The following KLF7 variants were observed in gnomAD, a reference collection of about 807,000 sequenced individuals.
The protein encoded by KLF7 is Krueppel-like factor 7.
KLF7 carries 2 observed loss-of-function variants against 27.3 expected under a neutral mutation model. That is an observed-to-expected ratio of 0.07 (90% CI 0.03 to 0.23). The LOEUF (loss-of-function observed/expected upper bound fraction) is 0.23, where lower values mean the gene tolerates loss of function less well. KLF7 is among the 10% of genes least tolerant of loss of function. The pLI, the probability that KLF7 is intolerant of heterozygous loss-of-function variation, is 1.00. For synonymous variants in KLF7, 165 were observed against 162.4 expected (o/e 1.02, Z -0.12); for missense variants, 221 against 394.1 (o/e 0.56, Z 3.72).
Position 207,078,154 on chromosome 2 carries a change from T to C in KLF7, c.*3059A>G, listed in dbSNP as rs1281603212. On this transcript the variant is annotated 3_prime_UTR_variant, in exon 4 of 4. Coordinates refer to ENST00000309446, the MANE Select transcript of KLF7 (RefSeq NM_003709.4). ...CCAAAATGATCAGGACTGGTCATCA[T>C]TCACAGGTGTCAACTCGGCTAAAGA... The C allele has an allele frequency of 6.6e-6, 1 of 152,216 alleles. No individual in the cohort carries two copies. The highest frequency in any genetic ancestry group is 1.5e-5 in the Non-Finnish European group (1 of 68,046). The allele number at this position is 152,216 out of a possible 1,614,324, so 9.4% of individuals were successfully genotyped here.
intron 2 of KLF7, among the ~76,000 whole-genome samples, chr2:207,116,609 T>C (rs1253655125): frequency 6.6e-6 from 1 of 152,066 alleles, no homozygotes; most frequent in Non-Finnish European, 1.5e-5. Context: ...ACCATGATCA[T>C]GACGGTAATT....
At chr2:207,128,129 T>C (rs986648704) in intron 1 of KLF7, among the ~76,000 whole-genome samples, 7 of 151,864 alleles carry the variant, frequency 4.6e-5, no homozygotes, top group East Asian at 1.9e-4. Context: ...GCTGGAACAA[T>C]GAAAATAAAA....
chr2:207,111,665 A>G (rs1470864000), intron 2 of KLF7, among the ~76,000 whole-genome samples: 1 of 152,160 alleles, frequency 6.6e-6, no homozygotes, highest in African/African-American at 2.4e-5. Context: ...TCCTTTCTTC[A>G]TTCCCCAAAG....
chr2:207,090,021 C>G (rs2076475771), intron 2 of KLF7, among the ~76,000 whole-genome samples: 2 of 152,160 alleles, frequency 1.3e-5, no homozygotes, highest in South Asian at 4.1e-4. Flanking sequence ...AACCTGACTA[C>G]AAAGCATTCA....
chr2:207,147,525 G>C (rs963720640), intron 1 of KLF7, among the ~76,000 whole-genome samples: 10 of 151,934 alleles, frequency 6.6e-5, no homozygotes, highest in African/African-American at 2.4e-4. Flanking sequence ...CTCATTTACA[G>C]AAGATAATTG....
intron 1 of KLF7, among the ~76,000 whole-genome samples, chr2:207,156,941 G>T (rs1384312817): frequency 6.6e-6 from 1 of 152,160 alleles, no homozygotes; most frequent in African/African-American, 2.4e-5. Flanking sequence ...TACTGGAATT[G>T]CCTGAAAGCT....
At chr2:207,100,008 T>C (rs1304621471) in intron 2 of KLF7, among the ~76,000 whole-genome samples, 1 of 152,098 alleles carries the variant, frequency 6.6e-6, no homozygotes, top group Admixed American at 6.5e-5. Flanking sequence ...TGCACGCCTG[T>C]AGTCCCAGCT....
intron 1 of KLF7, among the ~76,000 whole-genome samples, chr2:207,137,445 C>A (rs1270047536): frequency 1.3e-5 from 2 of 152,210 alleles, no homozygotes; most frequent in African/African-American, 4.8e-5. Context: ...TTCCTAAACA[C>A]AGAAGCTTTT....
chr2:207,139,183 C>T (rs1034623316), intron 1 of KLF7, among the ~76,000 whole-genome samples: 1 of 152,184 alleles, frequency 6.6e-6, no homozygotes, highest in Non-Finnish European at 1.5e-5. Context: ...GCTGTAACAG[C>T]TCTAACTCCC....
At position 207,154,792 on chromosome 2, in the gene KLF7, T is replaced by C. The variant is rs541211224; in HGVS notation, c.102+10675A>G. Among the ~76,000 whole-genome samples, 80 of 152,338 alleles carry C rather than the reference T, an allele frequency of 5.3e-4. 4 individuals are homozygous for C. The South Asian group carries it at 0.011, about 20-fold the overall frequency. Reference sequence around the variant, plus strand: ...ACAAATGACAAACAAGACTCAGAGATGTTAAGTGACTTTCTCAAGGTTCCA... The same window carrying C: ...ACAAATGACAAACAAGACTCAGAGACGTTAAGTGACTTTCTCAAGGTTCCA... On this transcript the variant is annotated intron_variant, in intron 1 of 3. Transcript: ENST00000309446.
chr2:207,105,849 G>A (rs530380871), intron 2 of KLF7, among the ~76,000 whole-genome samples: 2 of 152,326 alleles, frequency 1.3e-5, no homozygotes, highest in South Asian at 4.1e-4. Context: ...CTAGACCCTA[G>A]CACAGGTGGC....
chr2:207,089,257 C>G (rs1025692839), intron 2 of KLF7, among the ~76,000 whole-genome samples: 11 of 152,236 alleles, frequency 7.2e-5, no homozygotes, highest in African/African-American at 2.4e-4. Flanking sequence ...AGCTTAACAA[C>G]TGCAGAGTGT....
At chr2:207,168,357 A>T (rs924412136), upstream of KLF7, among the ~76,000 whole-genome samples, 53 of 152,338 alleles carry the variant, frequency 3.5e-4, no homozygotes, top group African/African-American at 1.0e-3. Flanking sequence ...GCAATGTCTC[A>T]TTTAATCTTA....
chr2:207,167,521 GCA>G, upstream of KLF7, among the ~76,000 whole-genome samples: 1 of 152,178 alleles, frequency 6.6e-6, no homozygotes, highest in Non-Finnish European at 1.5e-5. Context: ...TATGAAATAA[GCA>G]CAGATTGAAA....
At chr2:207,141,856 A>C (rs1331964510) in intron 1 of KLF7, among the ~76,000 whole-genome samples, 1 of 152,042 alleles carries the variant, frequency 6.6e-6, no homozygotes, top group Non-Finnish European at 1.5e-5. Flanking sequence ...TCAGCTGGAG[A>C]ACCTTAAGCC....
At chr2:207,126,111 T>G (rs2077470246) in intron 1 of KLF7, among the ~76,000 whole-genome samples, 1 of 152,214 alleles carries the variant, frequency 6.6e-6, no homozygotes, top group African/African-American at 2.4e-5. Flanking sequence ...GAAACCAGTA[T>G]GATGACCTTC....
intron 1 of KLF7, among the ~76,000 whole-genome samples, chr2:207,129,863 G>C (rs1038367003): frequency 3.9e-5 from 6 of 152,160 alleles, no homozygotes; most frequent in African/African-American, 1.4e-4. Context: ...GAATTTTCCA[G>C]AGACAGAAGT....
At chr2:207,142,092 A>C (rs1400649317) in intron 1 of KLF7, among the ~76,000 whole-genome samples, 1 of 152,078 alleles carries the variant, frequency 6.6e-6, no homozygotes, top group Non-Finnish European at 1.5e-5. Context: ...TGACAAATCC[A>C]ATGAGCCTTG....
intron 1 of KLF7, among the ~76,000 whole-genome samples, chr2:207,162,189 T>C (rs10932180): frequency 0.3 from 45,951 of 152,074 alleles, 7,361 homozygotes; most frequent in Middle Eastern, 0.37. Context: ...AGATTATGAT[T>C]TCTATTGGCA....
Sources: allele counts gnomAD v4.1 joint callset (sites outside exome capture counted in the v4.1 genomes callset), GRCh38; gene constraint gnomAD v4.1.1; transcripts MANE v1.5; gene names NCBI Gene and HGNC (gene_info 2026-07-23, HGNC 2026-07-21).